PDZD9: variants seen among roughly 807,000 people sequenced by gnomAD.
PDZD9 encodes the protein PDZ domain containing 9, also known as PDZ domain-containing protein 9.
In PDZD9, 13 loss-of-function variants were observed where a neutral mutation model predicts 16.3. The observed-to-expected ratio is 0.80, with a 90% CI of 0.52 to 1.27. The LOEUF (loss-of-function observed/expected upper bound fraction) is 1.27. Ranked by LOEUF, PDZD9 falls within the 50% of genes most tolerant of loss-of-function variation. The probability of loss-of-function intolerance (pLI) is 0.00; values close to 1 mark genes in which losing one functional copy is unlikely to be tolerated. For synonymous variants in PDZD9, 120 were observed against 111.0 expected, an observed-to-expected ratio of 1.08 and a Z score of -0.51; for missense variants, 288 against 310.9, an observed-to-expected ratio of 0.93 and a Z score of 0.55.
intron 1 of PDZD9, chr16:21,999,214 A>G (rs919163136): frequency 9.4e-5 from 18 of 192,072 alleles, no homozygotes; most frequent in Non-Finnish European, 1.2e-4. Context: ...GAACTATTAG[A>G]CATGAAACCT....
At chr16:21,971,729 A>C in the PDZD9 span, 2 of 1,333,828 alleles carry the variant, frequency 1.5e-6, no homozygotes, top group East Asian at 4.7e-5. Flanking sequence ...CAGTCTCGGC[A>C]TAGAATTGGA....
intron 1 of PDZD9, 104 bp downstream of exon 1, chr16:22,000,913 T>C: frequency 8.7e-7 from 1 of 1,150,172 alleles, no homozygotes; most frequent in Non-Finnish European, 1.2e-6. Context: ...GGAGAGAGGT[T>C]ATCTCCCAGG....
intron 2 of PDZD9, chr16:21,995,295 G>C (rs2141961897): frequency 2.2e-6 from 1 of 454,650 alleles, no homozygotes; most frequent in East Asian, 7.0e-5. Context: ...CCCCAGCCAT[G>C]CTTCCTGTAC....
chr16:21,974,875 G>A, the PDZD9 span, among the ~76,000 whole-genome samples: 1 of 152,332 alleles, frequency 6.6e-6, no homozygotes, highest in South Asian at 2.1e-4. Context: ...AGATGGGGAA[G>A]TACCTCCTCA....
chr16:21,979,317 T>A (rs891956436), downstream of PDZD9, among the ~76,000 whole-genome samples: 12 of 152,184 alleles, frequency 7.9e-5, no homozygotes, highest in African/African-American at 2.9e-4. Context: ...AACTTGACTA[T>A]GGAGGAAAAC....
the PDZD9 span, chr16:21,976,253 A>C: frequency 6.2e-7 from 1 of 1,602,574 alleles, no homozygotes; most frequent in Non-Finnish European, 8.5e-7. Flanking sequence ...AGTAAGTCTC[A>C]GTATTAACTG....
the PDZD9 span, chr16:21,968,757 A>T: frequency 7.2e-7 from 1 of 1,386,812 alleles, no homozygotes; most frequent in South Asian, 1.5e-5. Context: ...AATTACGTGA[A>T]CATAGGATTG....
chr16:21,964,383 G>T, the PDZD9 span, among the ~76,000 whole-genome samples: 1 of 152,040 alleles, frequency 6.6e-6, no homozygotes, highest in African/African-American at 2.4e-5. Flanking sequence ...CTCCCACACG[G>T]CCATTACAGT....
At chr16:21,961,801 G>A in the PDZD9 span, among the ~76,000 whole-genome samples, 13 of 150,892 alleles carry the variant, frequency 8.6e-5, no homozygotes, top group Non-Finnish European at 1.5e-4. Context: ...ACAGGCGTGC[G>A]CCACCATGCT....
chr16:21,962,972 A>AATTTTT, the PDZD9 span: 8 of 1,454,216 alleles, frequency 5.5e-6, no homozygotes, highest in Admixed American at 2.4e-5. Flanking sequence ...TTGCTGTCAA[A>AATTTTT]ATTTTTATTT....
the PDZD9 span, chr16:21,976,036 C>T: frequency 2.2e-5 from 13 of 597,694 alleles, no homozygotes; most frequent in African/African-American, 1.3e-4. Flanking sequence ...GACAGCATTC[C>T]GCATGGACAC....
At chr16:22,000,615 A>G (rs1024189187) in intron 1 of PDZD9, among the ~76,000 whole-genome samples, 1 of 152,072 alleles carries the variant, frequency 6.6e-6, no homozygotes, top group African/African-American at 2.4e-5. Flanking sequence ...ACTTGAGGTC[A>G]GGAGTTTGAG....
chr16:21,996,009 C>T (rs1899140045), intron 2 of PDZD9, among the ~76,000 whole-genome samples: 2 of 152,088 alleles, frequency 1.3e-5, no homozygotes. Context: ...CCAGGCTGGT[C>T]TCGAACTCCC....
At chr16:21,981,711 C>T (rs547403880), downstream of PDZD9, among the ~76,000 whole-genome samples, 120 of 151,870 alleles carry the variant, frequency 7.9e-4, no homozygotes, top group Non-Finnish European at 1.5e-3. Context: ...TGCAGCGAGC[C>T]GAGATCATGC....
the PDZD9 span, chr16:21,968,770 C>A: frequency 2.4e-6 from 3 of 1,276,180 alleles, no homozygotes; most frequent in South Asian, 1.7e-5. Flanking sequence ...TAGGATTGAA[C>A]AAAATTTGAA....
chr16:21,978,714 G>A, the PDZD9 span, among the ~76,000 whole-genome samples: 1 of 152,314 alleles, frequency 6.6e-6, no homozygotes, highest in South Asian at 2.1e-4. Flanking sequence ...AACGGTTCAC[G>A]TACTTGGTGA....
At chr16:21,980,592 G>A (rs759185315), downstream of PDZD9, 11 of 1,614,200 alleles carry the variant, frequency 6.8e-6, no homozygotes, top group Non-Finnish European at 9.3e-6. Flanking sequence ...AGTCTTCTGA[G>A]TGTTTCCTGG....
chr16:21,983,434 CA>C (rs1308482364), downstream of PDZD9: 2 of 444,340 alleles, frequency 4.5e-6, no homozygotes, highest in Non-Finnish European at 7.9e-6. Context: ...TTAAAGGAGA[CA>C]GGAATATAAT....
At chr16:21,962,444 T>C in the PDZD9 span, 1 of 1,614,078 alleles carries the variant, frequency 6.2e-7, no homozygotes, top group Non-Finnish European at 8.5e-7. Context: ...TTACTCTAGT[T>C]TATTTTCCGA....
Sources: gnomAD v4.1 joint callset for allele counts (sites outside exome capture counted in the v4.1 genomes callset) on GRCh38, gnomAD v4.1.1 for gene constraint, MANE v1.5 for transcripts, NCBI Gene and HGNC (gene_info 2026-07-23, HGNC 2026-07-21) for gene names.